Variants in PARD3B observed in about 807,000 individuals in gnomAD.
PARD3B encodes the protein partitioning defective 3 homolog B.
A neutral mutation model predicts 130.2 loss-of-function variants in PARD3B; 103 were observed. The ratio of observed to expected loss-of-function variants is 0.79; its 90% CI spans 0.67 to 0.93. The LOEUF (loss-of-function observed/expected upper bound fraction) is 0.93, where lower values mean the gene tolerates loss of function less well. Ranked by LOEUF, PARD3B falls within the 40% of genes least tolerant of loss-of-function variation. The pLI, the probability that PARD3B is intolerant of heterozygous loss-of-function variation, is 0.00. For missense variants in PARD3B, 1,609 were observed against 1,499.2 expected (o/e 1.07, Z -1.21); for synonymous variants, 583 against 553.2 (o/e 1.05, Z -0.76).
At chr2:204,798,856 T>G (rs1464912083) in intron 2 of PARD3B, among the ~76,000 whole-genome samples, 2 of 151,994 alleles carry the variant, frequency 1.3e-5, no homozygotes, top group Non-Finnish European at 2.9e-5. Context: ...GAGCCGTTGG[T>G]CCTTGAATAA....
At chr2:205,219,137 C>T (rs1313843443) in intron 15 of PARD3B, among the ~76,000 whole-genome samples, 2 of 151,756 alleles carry the variant, frequency 1.3e-5, no homozygotes, top group South Asian at 4.2e-4. Flanking sequence ...TAGCCACTGT[C>T]TGTTTGTCCA....
chr2:205,183,799 C>T lies in PARD3B; in HGVS notation c.1925-1965C>T, dbSNP rs147597960. Among the ~76,000 whole-genome samples, 40 of 150,898 alleles carry T rather than the reference C, an allele frequency of 2.7e-4. No individual in the cohort carries two copies. In the East Asian group the frequency reaches 5.3e-3, roughly 20 times the overall value. On this transcript the variant is annotated intron_variant, in intron 13 of 22. Coordinates refer to ENST00000406610, the MANE Select transcript of PARD3B (RefSeq NM_001302769.2). The surrounding 1 kb of genome is among the most constrained non-coding windows in gnomAD (Gnocchi z 5.2). ...GAACAGATTTATGATAAGGAATTGG[C>T]TCACATGGCCATGGAGACAGGCACA...
At chr2:204,716,477 G>A (rs896507664) in intron 2 of PARD3B, among the ~76,000 whole-genome samples, 1 of 151,982 alleles carries the variant, frequency 6.6e-6, no homozygotes, top group African/African-American at 2.4e-5. Context: ...GACAAGGAGT[G>A]ACTCTTCAAT....
At chr2:204,694,158 G>A (rs925261342) in intron 2 of PARD3B, among the ~76,000 whole-genome samples, 4 of 152,014 alleles carry the variant, frequency 2.6e-5, no homozygotes, top group Non-Finnish European at 5.9e-5. Context: ...TGTAAAAAAT[G>A]TATCTATTCC....
chr2:205,153,980 G>A (rs1575980955), intron 10 of PARD3B, among the ~76,000 whole-genome samples: 1 of 152,148 alleles, frequency 6.6e-6, no homozygotes, highest in Admixed American at 6.5e-5. Context: ...CAGGACATAG[G>A]CATGGGCAAG....
intron 20 of PARD3B, among the ~76,000 whole-genome samples, chr2:205,449,175 A>C (rs956699359): frequency 9.9e-5 from 15 of 151,754 alleles, no homozygotes; most frequent in Non-Finnish European, 1.6e-4. Context: ...TCAAAAAAAA[A>C]AAAAAAAAAA....
In PARD3B at chr2:205,121,036, G is replaced by C. The variant is rs2030643913; in HGVS notation, c.807-555G>C. 6.6e-6 allele frequency among the ~76,000 whole-genome samples: 1 copy of C among 152,192 alleles called. No individual in the cohort carries two copies. On this transcript the variant is annotated intron_variant, in intron 7 of 22. Transcript: ENST00000406610. The surrounding 1 kb of genome is among the most constrained non-coding windows in gnomAD (Gnocchi z 5.0). The stretch of plus-strand genomic sequence containing the variant: ...GCATGTTGGATTGAAATTCCACTGA[G>C]ACATTTTGGCACAGCCAAAGCACCT...
intron 18 of PARD3B, among the ~76,000 whole-genome samples, chr2:205,330,556 A>T (rs2043086488): frequency 6.6e-6 from 1 of 152,124 alleles, no homozygotes; most frequent in Non-Finnish European, 1.5e-5. Flanking sequence ...GTGTGTTTTC[A>T]TTGGTTTATT....
At chr2:205,089,064 G>A (rs576387292) in intron 4 of PARD3B, among the ~76,000 whole-genome samples, 2 of 151,504 alleles carry the variant, frequency 1.3e-5, no homozygotes, top group Non-Finnish European at 2.9e-5. Flanking sequence ...GCCTCCCAAC[G>A]TGCTGGGATT....
At chr2:204,720,367 A>T (rs2125318273) in intron 2 of PARD3B, among the ~76,000 whole-genome samples, 1 of 152,308 alleles carries the variant, frequency 6.6e-6, no homozygotes, top group Middle Eastern at 3.4e-3. Flanking sequence ...GTACAAATTT[A>T]AACAGTAACA....
At chr2:205,184,438 A>G (rs570176389) in intron 13 of PARD3B, among the ~76,000 whole-genome samples, 9 of 152,276 alleles carry the variant, frequency 5.9e-5, no homozygotes, top group African/African-American at 2.2e-4. Flanking sequence ...TTTACAAATC[A>G]CTGCTTAAAT....
intron 3 of PARD3B, among the ~76,000 whole-genome samples, chr2:205,037,041 C>T (rs1265466739): frequency 2.1e-5 from 3 of 145,134 alleles, no homozygotes; most frequent in African/African-American, 7.6e-5. Flanking sequence ...GGACTGTATA[C>T]ATAAAACAAA....
At chr2:204,662,702 TG>T (rs2035864667) in intron 1 of PARD3B, among the ~76,000 whole-genome samples, 1 of 152,250 alleles carries the variant, frequency 6.6e-6, no homozygotes, top group Non-Finnish European at 1.5e-5. Flanking sequence ...CTGTTGTTTA[TG>T]TTTTGAACTG....
chr2:204,762,906 A>G (rs1172942825), intron 2 of PARD3B, among the ~76,000 whole-genome samples: 1 of 151,922 alleles, frequency 6.6e-6, no homozygotes, highest in African/African-American at 2.4e-5. Flanking sequence ...GATTATAGGC[A>G]TATGCCACCA....
chr2:204,979,993 G>A (rs1249342418), intron 3 of PARD3B, among the ~76,000 whole-genome samples: 1 of 152,114 alleles, frequency 6.6e-6, no homozygotes, highest in Non-Finnish European at 1.5e-5. Flanking sequence ...GATAAATTGG[G>A]TTATGTGCAA....
At chr2:205,355,341 C>A (rs2044153322) in intron 18 of PARD3B, among the ~76,000 whole-genome samples, 1 of 152,162 alleles carries the variant, frequency 6.6e-6, no homozygotes, top group East Asian at 1.9e-4. Context: ...AGTTTTGAAC[C>A]ATGATGCATT....
At chr2:204,817,610 C>T (rs1010755576) in intron 2 of PARD3B, among the ~76,000 whole-genome samples, 1 of 152,072 alleles carries the variant, frequency 6.6e-6, no homozygotes, top group African/African-American at 2.4e-5. Flanking sequence ...TTGAATAATA[C>T]TCAGCTGCAG....
chr2:205,308,747 C>G (rs987533466), intron 18 of PARD3B, among the ~76,000 whole-genome samples: 2 of 152,106 alleles, frequency 1.3e-5, no homozygotes, highest in Non-Finnish European at 2.9e-5. Flanking sequence ...TCCAGTACCC[C>G]ATCAGCTCGA....
intron 10 of PARD3B, among the ~76,000 whole-genome samples, chr2:205,138,545 A>G (rs34851458): frequency 0.1 from 15,308 of 152,306 alleles, 1,048 homozygotes; most frequent in Middle Eastern, 0.21. Context: ...TTATCAAAAA[A>G]GTAATTTGAC....
Sources: gnomAD v4.1 joint callset for allele counts (sites outside exome capture counted in the v4.1 genomes callset) on GRCh38, gnomAD v4.1.1 for gene constraint, Gnocchi (gnomAD v3.1) non-coding constraint, MANE v1.5 for transcripts, NCBI Gene and HGNC (gene_info 2026-07-23, HGNC 2026-07-21) for gene names.